Variants in MDGA2 observed in about 807,000 individuals in gnomAD.
MDGA2 encodes the protein MAM domain containing glycosylphosphatidylinositol anchor 2.
In MDGA2, 40 loss-of-function variants were observed where a neutral mutation model predicts 117.8. The ratio of observed to expected loss-of-function variants is 0.34; its 90% CI spans 0.26 to 0.44. MDGA2 has a LOEUF of 0.44. Among genes scored for constraint, MDGA2 ranks in the 20% least tolerant of loss-of-function variants. MDGA2 has a pLI of 1.00. For missense variants in MDGA2, 1,123 were observed against 1,250.6 expected (o/e 0.90, Z 1.54); for synonymous variants, 452 against 439.0 (o/e 1.03, Z -0.37).
At chr14:47,139,857 C>T (rs1228281919) in intron 4 of MDGA2, among the ~76,000 whole-genome samples, 1 of 138,138 alleles carries the variant, frequency 7.2e-6, no homozygotes, top group Non-Finnish European at 1.5e-5. Context: ...CATATATATA[C>T]ACATATATAT....
chr14:47,297,410 GA>G (rs1889110113), intron 2 of MDGA2, among the ~76,000 whole-genome samples: 1 of 149,370 alleles, frequency 6.7e-6, no homozygotes, highest in Non-Finnish European at 1.5e-5. Flanking sequence ...AAGAGGAAGG[GA>G]GGGGAGGAGA....
chr14:47,663,352 A>G (rs1008440860), intron 1 of MDGA2, among the ~76,000 whole-genome samples: 1 of 152,226 alleles, frequency 6.6e-6, no homozygotes, highest in Non-Finnish European at 1.5e-5. Context: ...CTGAGTAAAG[A>G]TTGCCTTCTA....
At chr14:46,909,428 G>A (rs1005568330) in intron 10 of MDGA2, among the ~76,000 whole-genome samples, 2 of 152,070 alleles carry the variant, frequency 1.3e-5, no homozygotes, top group Non-Finnish European at 2.9e-5. Context: ...GGCTGCTTGG[G>A]TGAAGAAAGT....
At chr14:47,426,805 AT>A (rs1892701738) in intron 1 of MDGA2, among the ~76,000 whole-genome samples, 1 of 150,390 alleles carries the variant, frequency 6.6e-6, no homozygotes, top group Admixed American at 6.7e-5. Context: ...ATATAAATAT[AT>A]TTTTTATAAA....
chr14:47,668,852 C>T (rs1392822663), intron 1 of MDGA2, among the ~76,000 whole-genome samples: 3 of 152,196 alleles, frequency 2.0e-5, no homozygotes, highest in Non-Finnish European at 4.4e-5. Flanking sequence ...CATAAGCTCT[C>T]GAGCTCAGTT....
At chr14:47,468,786 C>T (rs1893656945) in intron 1 of MDGA2, among the ~76,000 whole-genome samples, 1 of 152,026 alleles carries the variant, frequency 6.6e-6, no homozygotes, top group Non-Finnish European at 1.5e-5. Flanking sequence ...GATATAAATG[C>T]CAGGTGCATT....
chr14:47,159,178 T>G (rs541396354), intron 3 of MDGA2, among the ~76,000 whole-genome samples: 3 of 152,302 alleles, frequency 2.0e-5, no homozygotes, highest in African/African-American at 7.2e-5. Context: ...AAGCCTAATG[T>G]AAACTATGGA....
At chr14:46,935,005 C>T (rs947865598) in intron 9 of MDGA2, among the ~76,000 whole-genome samples, 3 of 151,594 alleles carry the variant, frequency 2.0e-5, no homozygotes, top group African/African-American at 7.3e-5. Context: ...TATGCCACTT[C>T]ATCTCCAGGT....
At chr14:46,913,404 A>C (rs1209200349) in intron 10 of MDGA2, among the ~76,000 whole-genome samples, 2 of 152,184 alleles carry the variant, frequency 1.3e-5, no homozygotes, top group African/African-American at 2.4e-5. Context: ...TGGTTCCTCC[A>C]AACAGTTCTT....
At chr14:46,902,781 G>T (rs956922447) in intron 10 of MDGA2, among the ~76,000 whole-genome samples, 4 of 152,134 alleles carry the variant, frequency 2.6e-5, no homozygotes, top group African/African-American at 9.7e-5. Context: ...GAATTTTATG[G>T]TAGAGAATAT....
chr14:46,931,129 C>T (rs1009826892), intron 9 of MDGA2, among the ~76,000 whole-genome samples: 1 of 147,506 alleles, frequency 6.8e-6, no homozygotes, highest in Non-Finnish European at 1.5e-5. Context: ...GTAGGAGAAT[C>T]GCTTGAACCA....
chr14:47,278,612 A>G (rs1412125491), intron 2 of MDGA2, among the ~76,000 whole-genome samples: 4 of 152,204 alleles, frequency 2.6e-5, no homozygotes, highest in African/African-American at 9.6e-5. Context: ...ATGTCAGATT[A>G]GAATGAGATT....
chr14:47,560,163 G>A (rs1895769653), intron 1 of MDGA2, among the ~76,000 whole-genome samples: 1 of 151,492 alleles, frequency 6.6e-6, no homozygotes, highest in Non-Finnish European at 1.5e-5. Context: ...CACCTCCCGG[G>A]TTCACGCCAT....
intron 2 of MDGA2, among the ~76,000 whole-genome samples, chr14:47,248,059 G>T (rs1226584704): frequency 1.3e-5 from 2 of 151,484 alleles, no homozygotes; most frequent in Non-Finnish European, 3.0e-5. Flanking sequence ...ATGGGCATTT[G>T]GATTGGTTCC....
intron 1 of MDGA2, among the ~76,000 whole-genome samples, chr14:47,401,234 T>C (rs140382967): frequency 3.3e-5 from 5 of 152,252 alleles, no homozygotes; most frequent in Non-Finnish European, 7.4e-5. Context: ...CCTCCATTTA[T>C]TTCAACAGGC....
intron 8 of MDGA2, among the ~76,000 whole-genome samples, chr14:47,002,141 A>C (rs916054749): frequency 6.6e-6 from 1 of 152,106 alleles, no homozygotes; most frequent in Non-Finnish European, 1.5e-5. Flanking sequence ...AAATTTAAAA[A>C]ATAATAATTA....
chr14:47,617,972 A>C (rs889936562), intron 1 of MDGA2, among the ~76,000 whole-genome samples: 4 of 152,174 alleles, frequency 2.6e-5, no homozygotes, highest in African/African-American at 9.7e-5. Flanking sequence ...AAAAGTTTTC[A>C]ATATAAGCTG....
intron 1 of MDGA2, among the ~76,000 whole-genome samples, chr14:47,586,425 T>C (rs1896326285): frequency 6.6e-6 from 1 of 151,890 alleles, no homozygotes; most frequent in African/African-American, 2.4e-5. Context: ...TGAGTATAGC[T>C]GAGTCTTTGC....
chr14:46,985,072 A>G (rs1225082156), intron 8 of MDGA2, among the ~76,000 whole-genome samples: 1 of 152,080 alleles, frequency 6.6e-6, no homozygotes, highest in Non-Finnish European at 1.5e-5. Context: ...ACAGACATGG[A>G]AAGAGAACTC....
Sources: gnomAD v4.1 joint callset for allele counts (sites outside exome capture counted in the v4.1 genomes callset) on GRCh38, gnomAD v4.1.1 for gene constraint, MANE v1.5 for transcripts, NCBI Gene and HGNC (gene_info 2026-07-23, HGNC 2026-07-21) for gene names.